ACYP2: variants seen among roughly 807,000 people sequenced by gnomAD.
The protein encoded by ACYP2 is acylphosphatase-2.
Under a neutral mutation model 11.2 loss-of-function variants are expected in ACYP2, and 12 were observed. The observed-to-expected ratio is 1.08, with a 90% CI of 0.69 to 1.74. The LOEUF (loss-of-function observed/expected upper bound fraction) is 1.74. Ranked by LOEUF, ACYP2 falls within the 40% of genes most tolerant of loss-of-function variation. The pLI, the probability that ACYP2 is intolerant of heterozygous loss-of-function variation, is 0.00. For synonymous variants in ACYP2, 43 were observed against 32.2 expected (o/e 1.33, Z -1.13); for missense variants, 134 against 101.9 (o/e 1.31, Z -1.35).
intron 4 of ACYP2, among the ~76,000 whole-genome samples, chr2:54,128,375 AT>A (rs140079052): frequency 0.053 from 7,810 of 148,222 alleles, 621 homozygotes; most frequent in African/African-American, 0.18. Flanking sequence ...TTCAAATTCC[AT>A]TTTTTTTTTG....
chr2:54,285,917 C>G (rs34126566), intron 6 of ACYP2, among the ~76,000 whole-genome samples: 17,410 of 152,194 alleles, frequency 0.11, 1,336 homozygotes, highest in African/African-American at 0.21. Flanking sequence ...TTGGAAAGGT[C>G]TCTGAAGGTA....
At chr2:54,253,499 C>A (rs947754076) in intron 6 of ACYP2, 7 of 152,118 alleles carry the variant, frequency 4.6e-5, no homozygotes, top group Non-Finnish European at 1.0e-4. Flanking sequence ...AGAGAACACC[C>A]AAAATTGCAG....
chr2:54,106,447 A>T (rs991804775), intron 4 of ACYP2, among the ~76,000 whole-genome samples: 1 of 152,214 alleles, frequency 6.6e-6, no homozygotes, highest in Admixed American at 6.5e-5. Flanking sequence ...TCCTATGTCC[A>T]CGTAAAAACC....
intron 6 of ACYP2, among the ~76,000 whole-genome samples, chr2:54,232,648 G>A (rs771483218): frequency 6.6e-6 from 1 of 152,128 alleles, no homozygotes; most frequent in Admixed American, 6.5e-5. Flanking sequence ...AATTAAAGAG[G>A]TTTAATTGAC....
chr2:54,163,736 A>C (rs1180906401), intron 6 of ACYP2, among the ~76,000 whole-genome samples: 1 of 152,076 alleles, frequency 6.6e-6, no homozygotes, highest in Non-Finnish European at 1.5e-5. Context: ...GATGCCTGTA[A>C]TGTCAGCTAC....
chr2:54,299,630 T>G (rs1689648441), intron 6 of ACYP2, among the ~76,000 whole-genome samples: 1 of 149,066 alleles, frequency 6.7e-6, no homozygotes, highest in Non-Finnish European at 1.5e-5. Flanking sequence ...AAAGAAAACC[T>G]AAGACCACAG....
At chr2:54,138,168 G>A (rs768297014) in intron 5 of ACYP2, among the ~76,000 whole-genome samples, 1 of 151,876 alleles carries the variant, frequency 6.6e-6, no homozygotes, top group Non-Finnish European at 1.5e-5. Flanking sequence ...CATTTTTGCT[G>A]GAAATTTCGA....
chr2:54,191,522 T>C (rs1312331692), intron 6 of ACYP2, among the ~76,000 whole-genome samples: 1 of 152,224 alleles, frequency 6.6e-6, no homozygotes, highest in Non-Finnish European at 1.5e-5. Context: ...TGTGTGACCT[T>C]GCACAAGTTA....
At chr2:54,169,859 A>G (rs564411349) in intron 6 of ACYP2, among the ~76,000 whole-genome samples, 179 of 152,244 alleles carry the variant, frequency 1.2e-3, no homozygotes, top group African/African-American at 4.1e-3. Context: ...CTCCTCAACA[A>G]TAGTTTTAGC....
At chr2:54,297,245 A>C (rs778608862) in intron 6 of ACYP2, among the ~76,000 whole-genome samples, 18 of 148,258 alleles carry the variant, frequency 1.2e-4, no homozygotes, top group Middle Eastern at 3.4e-3. Flanking sequence ...TGTAATCCTA[A>C]CACTTTAGGA....
At chr2:54,031,310 G>A (rs1484719247) in intron 2 of ACYP2, among the ~76,000 whole-genome samples, 1 of 125,896 alleles carries the variant, frequency 7.9e-6, no homozygotes, top group Non-Finnish European at 1.5e-5. Flanking sequence ...GGTGTGTAAT[G>A]TTCCCCACCC....
At chr2:54,209,435 A>C (rs1441178420) in intron 6 of ACYP2, among the ~76,000 whole-genome samples, 1 of 152,214 alleles carries the variant, frequency 6.6e-6, no homozygotes, top group South Asian at 2.1e-4. Flanking sequence ...CTTAATAATC[A>C]AGTGTGACTC....
At chr2:54,243,574 G>A (rs762898127) in intron 6 of ACYP2, among the ~76,000 whole-genome samples, 2 of 151,534 alleles carry the variant, frequency 1.3e-5, no homozygotes, top group Admixed American at 6.6e-5. Flanking sequence ...AGCTCATTGC[G>A]GCCTCTGCCT....
chr2:54,081,162 C>T (rs1033319887), intron 4 of ACYP2, among the ~76,000 whole-genome samples: 1 of 152,112 alleles, frequency 6.6e-6, no homozygotes, highest in Non-Finnish European at 1.5e-5. Context: ...AGGAGTCTGC[C>T]TACATGTGGA....
chr2:54,184,377 A>G (rs1269372181), intron 6 of ACYP2, among the ~76,000 whole-genome samples: 2 of 152,074 alleles, frequency 1.3e-5, no homozygotes, highest in African/African-American at 4.8e-5. Context: ...ATTTTTTTAT[A>G]TTTTTGTTCA....
intron 2 of ACYP2, among the ~76,000 whole-genome samples, chr2:54,044,576 G>A (rs368687803): frequency 2.7e-4 from 41 of 151,972 alleles, no homozygotes; most frequent in African/African-American, 9.6e-4. Context: ...AACAGAGTAA[G>A]ACGCTGTCCC....
chr2:54,011,550 A>G (rs1673372490), intron 2 of ACYP2, among the ~76,000 whole-genome samples: 1 of 152,190 alleles, frequency 6.6e-6, no homozygotes, highest in Non-Finnish European at 1.5e-5. Flanking sequence ...AAAGTTACAG[A>G]TATTTAATGT....
rs185327637 is a variant in ACYP2 at position 54,097,690 on chromosome 2, G to A, written c.278-37763G>A. ...TGTTTCTCTGTCCCTCTTTATTCTC[G>A]GGGGAGGAAGGGGTGGTTTTGGAGC... is the stretch of plus-strand genomic sequence containing the variant. On this transcript the variant is annotated intron_variant, in intron 4 of 6. Transcript: ENST00000607452. Among the ~76,000 whole-genome samples the A allele has an allele frequency of 7.9e-5, 12 of 151,864 alleles. No homozygotes were observed. The East Asian group carries it at 1.7e-3, about 22-fold the overall frequency.
intron 4 of ACYP2, among the ~76,000 whole-genome samples, chr2:54,095,704 A>G (rs1241432862): frequency 7.2e-5 from 8 of 111,328 alleles, no homozygotes; most frequent in South Asian, 6.8e-4. Context: ...CTGGCCGGGC[A>G]GAGGGGCTCC....
Sources: allele counts gnomAD v4.1 joint callset (sites outside exome capture counted in the v4.1 genomes callset), GRCh38; gene constraint gnomAD v4.1.1; transcripts MANE v1.5; gene names NCBI Gene and HGNC (gene_info 2026-07-23, HGNC 2026-07-21).